UNC13C: variants seen among roughly 807,000 people sequenced by gnomAD.
The protein encoded by UNC13C is unc-13 homolog C.
Under a neutral mutation model 245.4 loss-of-function variants are expected in UNC13C, and 174 were observed. That is an observed-to-expected ratio of 0.71 (90% CI 0.63 to 0.80). The LOEUF (loss-of-function observed/expected upper bound fraction) is 0.80, where lower values mean the gene tolerates loss of function less well. Among genes scored for constraint, UNC13C ranks in the 30% least tolerant of loss-of-function variants. The pLI is 0.00. For synonymous variants in UNC13C, 992 were observed against 895.1 expected, an observed-to-expected ratio of 1.11 and a Z score of -1.93; for missense variants, 2,829 against 2,602.9, an observed-to-expected ratio of 1.09 and a Z score of -1.89.
intron 2 of UNC13C, among the ~76,000 whole-genome samples, chr15:54,035,243 C>G (rs1042114484): frequency 6.6e-6 from 1 of 152,078 alleles, no homozygotes; most frequent in Admixed American, 6.6e-5. Context: ...ATGAGGCATA[C>G]CTAGATGCTT....
the UNC13C span, among the ~76,000 whole-genome samples, chr15:53,930,760 T>C: frequency 6.6e-6 from 1 of 152,220 alleles, no homozygotes; most frequent in African/African-American, 2.4e-5. Flanking sequence ...ATTACATTTC[T>C]ACTAAGTGTT....
chr15:54,326,416 A>G (rs1368585635), intron 14 of UNC13C, among the ~76,000 whole-genome samples: 1 of 152,154 alleles, frequency 6.6e-6, no homozygotes, highest in East Asian at 1.9e-4. Flanking sequence ...TTCTTGTGAC[A>G]GTGAGACTTT....
chr15:53,865,572 A>G, the UNC13C span, among the ~76,000 whole-genome samples: 1 of 152,152 alleles, frequency 6.6e-6, no homozygotes, highest in Non-Finnish European at 1.5e-5. Flanking sequence ...ATCTTCAAAT[A>G]GGCTTATAGG....
chr15:54,633,428 C>T (rs1901494005), downstream of UNC13C: 1 of 151,338 alleles, frequency 6.6e-6, no homozygotes, highest in South Asian at 2.1e-4. Context: ...TGTTTATTTC[C>T]TGTACAAAGA....
Position 54,210,676 on chromosome 15 carries a change from TA to T in UNC13C, c.3072-24350del, listed in dbSNP as rs374299847. Among the ~76,000 whole-genome samples, 13 of 152,250 alleles carry T rather than the reference TA, an allele frequency of 8.5e-5. No homozygotes were observed. The East Asian group carries it at 2.5e-3, about 29-fold the overall frequency. ...TGAATTTCTGATATTTTACCCTACTTAAAAGCTGACTAGTTAGTCTGCCACA... is the reference window on the plus strand; with the variant it reads ...TGAATTTCTGATATTTTACCCTACTTAAAGCTGACTAGTTAGTCTGCCACA... On this transcript the variant is annotated intron_variant, in intron 4 of 32. Coordinates refer to ENST00000260323, the MANE Select transcript of UNC13C (RefSeq NM_001080534.3).
At chr15:54,255,811 C>G (rs1413839320) in intron 8 of UNC13C, among the ~76,000 whole-genome samples, 1 of 152,188 alleles carries the variant, frequency 6.6e-6, no homozygotes, top group Admixed American at 6.5e-5. Context: ...TGACCCCCTT[C>G]CATATCGCTA....
intron 29 of UNC13C, among the ~76,000 whole-genome samples, chr15:54,566,065 T>G (rs181461658): frequency 1.3e-5 from 2 of 151,860 alleles, no homozygotes; most frequent in Admixed American, 6.6e-5. Flanking sequence ...CTTTCCAGAG[T>G]TCCCCCCCTA....
intron 2 of UNC13C, among the ~76,000 whole-genome samples, chr15:54,080,923 T>A (rs12898786): frequency 0.47 from 71,251 of 151,772 alleles, 18,657 homozygotes; most frequent in Non-Finnish European, 0.6. Flanking sequence ...AGAACTTTCT[T>A]TCTTTTTGGT....
the UNC13C span, among the ~76,000 whole-genome samples, chr15:53,888,391 T>C: frequency 6.6e-6 from 1 of 152,084 alleles, no homozygotes; most frequent in African/African-American, 2.4e-5. Flanking sequence ...GCCCAATTTT[T>C]AATAGAGTTT....
chr15:54,069,519 G>A (rs186344994), intron 2 of UNC13C, among the ~76,000 whole-genome samples: 147 of 152,236 alleles, frequency 9.7e-4, no homozygotes, highest in African/African-American at 3.5e-3. Flanking sequence ...TAACTAAATT[G>A]CTCTCATGTA....
At chr15:54,501,854 C>T (rs1283361993) in intron 22 of UNC13C, among the ~76,000 whole-genome samples, 1 of 152,064 alleles carries the variant, frequency 6.6e-6, no homozygotes, top group Non-Finnish European at 1.5e-5. Context: ...AAAGCTGAGA[C>T]TGACATGGGA....
chr15:54,244,525 A>G (rs530324391), intron 7 of UNC13C, among the ~76,000 whole-genome samples: 31 of 152,282 alleles, frequency 2.0e-4, no homozygotes, highest in Non-Finnish European at 3.8e-4. Context: ...ATGGTAGTTT[A>G]AAGGGAGTGG....
the UNC13C span, among the ~76,000 whole-genome samples, chr15:53,851,874 G>A: frequency 6.6e-6 from 1 of 152,320 alleles, no homozygotes; most frequent in Non-Finnish European, 1.5e-5. Context: ...GGAGGACAAG[G>A]AAGCTCTGTA....
In UNC13C at chr15:54,592,842, T is replaced by C. The variant is rs368794992; in HGVS notation, c.6106+24895T>C. Among the ~76,000 whole-genome samples, 8 of 150,384 alleles carry C rather than the reference T, an allele frequency of 5.3e-5. No individual in the cohort carries two copies. In the South Asian group the frequency reaches 6.4e-4, roughly 12 times the overall value. ...CTATTGCATTCATCATGCTCGTTGT[T>C]GCCTGTGTACTTTGTTTTTTGTTTT... On this transcript the variant is annotated intron_variant, in intron 30 of 32. Transcript: ENST00000260323.
At chr15:54,108,478 T>G (rs1254493450) in intron 2 of UNC13C, among the ~76,000 whole-genome samples, 1 of 152,170 alleles carries the variant, frequency 6.6e-6, no homozygotes, top group African/African-American at 2.4e-5. Flanking sequence ...TGAGCCACCG[T>G]GCCTGGCCTT....
chr15:54,424,708 A>G (rs2040721950), intron 19 of UNC13C, among the ~76,000 whole-genome samples: 1 of 151,708 alleles, frequency 6.6e-6, no homozygotes. Context: ...GGCAAAAACA[A>G]TAGAATTAGG....
chr15:54,263,442 A>C (rs1293011858), intron 8 of UNC13C, among the ~76,000 whole-genome samples: 1 of 152,178 alleles, frequency 6.6e-6, no homozygotes, highest in African/African-American at 2.4e-5. Flanking sequence ...GAATTTTAGA[A>C]ATCTCTCACT....
chr15:54,134,083 A>G (rs1404697175), intron 2 of UNC13C, among the ~76,000 whole-genome samples: 1 of 142,060 alleles, frequency 7.0e-6, no homozygotes, highest in African/African-American at 2.6e-5. Context: ...TGGTGAGGAC[A>G]CTTATGTACT....
At chr15:54,259,212 G>C (rs1013583305) in intron 8 of UNC13C, among the ~76,000 whole-genome samples, 1 of 152,192 alleles carries the variant, frequency 6.6e-6, no homozygotes, top group Non-Finnish European at 1.5e-5. Context: ...ACTTTCAATG[G>C]GATGCAAACA....
Sources: allele counts gnomAD v4.1 joint callset (sites outside exome capture counted in the v4.1 genomes callset), GRCh38; gene constraint gnomAD v4.1.1; transcripts MANE v1.5; gene names NCBI Gene and HGNC (gene_info 2026-07-23, HGNC 2026-07-21).